VPS35L: variants seen among roughly 807,000 people sequenced by gnomAD.
VPS35L encodes the protein VPS35 endosomal protein-sorting factor-like.
VPS35L carries 83 observed loss-of-function variants against 133.0 expected under a neutral mutation model. The observed-to-expected ratio is 0.62, with a 90% CI of 0.52 to 0.75. The LOEUF is 0.75. VPS35L is among the 30% of genes least tolerant of loss of function. The pLI, the probability that VPS35L is intolerant of heterozygous loss-of-function variation, is 0.00. For missense variants in VPS35L, 1,083 were observed against 1,206.8 expected, an observed-to-expected ratio of 0.90 and a Z score of 1.52; for synonymous variants, 423 against 449.9, an observed-to-expected ratio of 0.94 and a Z score of 0.76.
intron 29 of VPS35L, among the ~76,000 whole-genome samples, chr16:19,696,168 G>A (rs535053906): frequency 1.3e-5 from 2 of 152,282 alleles, no homozygotes; most frequent in African/African-American, 4.8e-5. Context: ...ACAGGCATAA[G>A]CCACCGTGCC....
intron 6 of VPS35L, among the ~76,000 whole-genome samples, chr16:19,580,602 C>T (rs1971679517): frequency 6.6e-6 from 1 of 152,072 alleles, no homozygotes; most frequent in Non-Finnish European, 1.5e-5. Context: ...CAAGTCATTA[C>T]CTACATGGTC....
intron 14 of VPS35L, among the ~76,000 whole-genome samples, chr16:19,620,963 A>G (rs1973060376): frequency 6.6e-6 from 1 of 152,104 alleles, no homozygotes; most frequent in Admixed American, 6.6e-5. Flanking sequence ...AAAAGAATAA[A>G]TTAAAAAAAA....
At chr16:19,674,717 TCCCCTACCCCCAC>T (rs1216625873) in intron 27 of VPS35L, among the ~76,000 whole-genome samples, 2 of 152,084 alleles carry the variant, frequency 1.3e-5, no homozygotes, top group African/African-American at 4.8e-5. Context: ...AATTCTTCAT[TCCCCTACCCCCAC>T]CCCCTGCAAC....
chr16:19,698,575 G>A lies in VPS35L; in HGVS notation c.2647-927G>A, dbSNP rs554814976. ...AATTCTATCATGGGCGGTTAGGAGT[G>A]TACCTGCCACGGAGCTGTCATGAAG... is the stretch of plus-strand genomic sequence containing the variant. On this transcript the variant is annotated intron_variant, in intron 29 of 30. Transcript: ENST00000417362. 3.3e-5 allele frequency among the ~76,000 whole-genome samples: 5 copies of A among 152,294 alleles called. No individual in the cohort carries two copies. In the South Asian group the frequency reaches 8.3e-4, roughly 25 times the overall value.
chr16:19,645,085 T>C (rs1597390004), intron 23 of VPS35L, 136 bp downstream of exon 23: 4 of 581,922 alleles, frequency 6.9e-6, no homozygotes, highest in East Asian at 3.1e-5. Context: ...TTAGAAAACA[T>C]CTTACATTAG....
intron 29 of VPS35L, among the ~76,000 whole-genome samples, chr16:19,695,043 G>A (rs1247201047): frequency 6.7e-6 from 1 of 149,936 alleles, no homozygotes; most frequent in African/African-American, 2.5e-5. Flanking sequence ...CAAGTGATCC[G>A]CCCACCTTGG....
intron 26 of VPS35L, among the ~76,000 whole-genome samples, chr16:19,664,907 A>C (rs1443744374): frequency 6.6e-6 from 1 of 151,994 alleles, no homozygotes; most frequent in Non-Finnish European, 1.5e-5. Flanking sequence ...CTAAAAAAAA[A>C]AAAAAACAAA....
intron 18 of VPS35L, among the ~76,000 whole-genome samples, chr16:19,630,356 T>C (rs939322152): frequency 2.2e-5 from 3 of 138,994 alleles, no homozygotes; most frequent in African/African-American, 8.5e-5. Flanking sequence ...TTTTTTGAGA[T>C]GGAGTCTCGC....
rs533630695 is a variant in VPS35L, at chr16:19,568,336, T to C, written c.118-1088T>C. ...TTTTTTTTGAGACAGGGTCTCACTG[T>C]ATCGCCCAGCTGGAGTGCAATGGCA... On this transcript the variant is annotated intron_variant, in intron 2 of 30. Transcript: ENST00000417362. Among the ~76,000 whole-genome samples, 325 of 151,114 alleles carry C rather than the reference T, an allele frequency of 2.2e-3. 1 individual carries two copies. Among genetic ancestry groups the C allele is most frequent in the African/African-American group, 7.0e-3 (288 of 41,154 alleles).
intron 7 of VPS35L, 152 bp from the exon 8 acceptor site, chr16:19,591,638 C>G (rs1972045882): frequency 3.6e-6 from 2 of 561,364 alleles, no homozygotes; most frequent in Admixed American, 3.1e-5. Flanking sequence ...AGTGGTTTAG[C>G]TTGTCATTGT....
chr16:19,646,604 G>A (rs1260683247), intron 23 of VPS35L, among the ~76,000 whole-genome samples: 2 of 151,994 alleles, frequency 1.3e-5, no homozygotes, highest in African/African-American at 4.8e-5. Flanking sequence ...GGCAGAGGTT[G>A]CGGTGAGCCA....
chr16:19,622,575 T>C (rs1014279610), intron 14 of VPS35L, among the ~76,000 whole-genome samples: 5 of 152,108 alleles, frequency 3.3e-5, no homozygotes, highest in African/African-American at 1.2e-4. Context: ...TTGAAAAAAA[T>C]CCGTGTCTAA....
At chr16:19,578,418 A>G (rs536277202) in intron 5 of VPS35L, 249 of 411,118 alleles carry the variant, frequency 6.1e-4, no homozygotes, top group African/African-American at 4.8e-3. Flanking sequence ...AAGATGGGGG[A>G]AGGATTCTGA....
intron 29 of VPS35L, among the ~76,000 whole-genome samples, chr16:19,696,034 G>A (rs1019998015): frequency 2.0e-5 from 3 of 152,048 alleles, no homozygotes; most frequent in East Asian, 1.9e-4. Flanking sequence ...CTACAGGCGC[G>A]TGCCACCACA....
intron 3 of VPS35L, among the ~76,000 whole-genome samples, chr16:19,570,057 A>C (rs1208034757): frequency 6.6e-6 from 1 of 151,670 alleles, no homozygotes; most frequent in Non-Finnish European, 1.5e-5. Context: ...AGCATTTTAA[A>C]ATTTATTTTT....
At chr16:19,679,142 C>T (rs1038569060) in intron 27 of VPS35L, among the ~76,000 whole-genome samples, 9 of 778 alleles carry the variant, frequency 0.012, no homozygotes, top group South Asian at 0.028. Flanking sequence ...GCTGGGGGGG[C>T]GGGGGTGGGG....
At position 19,578,337 on chromosome 16, in the gene VPS35L, G is replaced by A. The variant is rs188706316; in HGVS notation, c.434-715G>A. 2.6e-3 allele frequency: 1,116 copies of A among 435,440 alleles called. 5 individuals are homozygous for A. Among genetic ancestry groups the A allele is most frequent in the Non-Finnish European group, 2.6e-3 (577 of 222,902 alleles). 27.0% of individuals were successfully genotyped at this position (435,440 alleles called of 1,614,324 possible). A position where few individuals can be genotyped will look rare whatever the true frequency, so the allele number is the denominator to read the frequency against. On this transcript the variant is annotated intron_variant, in intron 5 of 30. Coordinates refer to ENST00000417362, the MANE Select transcript of VPS35L (RefSeq NM_020314.7). ...TACAGTGAGCCGAGATCGCGCCACCGCACTCCAGCGTGGACGACAGAGTAA... is the reference window on the plus strand; with the variant it reads ...TACAGTGAGCCGAGATCGCGCCACCACACTCCAGCGTGGACGACAGAGTAA...
At chr16:19,580,209 G>T (rs1436175669) in intron 6 of VPS35L, among the ~76,000 whole-genome samples, 1 of 151,716 alleles carries the variant, frequency 6.6e-6, no homozygotes, top group Non-Finnish European at 1.5e-5. Context: ...TGCCTCCTAG[G>T]TTAAAGCAAT....
intron 2 of VPS35L, among the ~76,000 whole-genome samples, chr16:19,566,746 C>T (rs891387886): frequency 6.6e-6 from 1 of 151,746 alleles, no homozygotes; most frequent in Non-Finnish European, 1.5e-5. Flanking sequence ...AACAGTTGGC[C>T]CCCCCCTTTT....
Sources: gnomAD v4.1 joint callset for allele counts (sites outside exome capture counted in the v4.1 genomes callset) on GRCh38, gnomAD v4.1.1 for gene constraint, MANE v1.5 for transcripts, NCBI Gene and HGNC (gene_info 2026-07-23, HGNC 2026-07-21) for gene names.